The following CNTNAP2 variants were observed in gnomAD, a reference collection of about 807,000 sequenced individuals.
CNTNAP2 encodes the protein contactin-associated protein-like 2.
In CNTNAP2, 98 loss-of-function variants were observed where a neutral mutation model predicts 155.2. The observed-to-expected ratio is 0.63, with a 90% CI of 0.54 to 0.75. The LOEUF (loss-of-function observed/expected upper bound fraction) is 0.75. Among genes scored for constraint, CNTNAP2 ranks in the 30% least tolerant of loss-of-function variants. CNTNAP2 has a pLI of 0.00. For synonymous variants in CNTNAP2, 651 were observed against 631.2 expected, an observed-to-expected ratio of 1.03 and a Z score of -0.47; for missense variants, 1,727 against 1,688.1, an observed-to-expected ratio of 1.02 and a Z score of -0.40.
rs142606449 is a variant in CNTNAP2, at chr7:147,201,707, A to G, written c.1348+69198A>G. Among the ~76,000 whole-genome samples the G allele has an allele frequency of 2.5e-3, 380 of 152,292 alleles. 1 individual carries two copies. The highest frequency in any genetic ancestry group is 8.7e-3 in the African/African-American group (360 of 41,562). ...ATTAACCCTCCTAATGTGGATAGGA[A>G]TTGGATAGGGGCAGGGTGATAGAAA... On this transcript the variant is annotated intron_variant, in intron 8 of 23. Transcript: ENST00000361727.
intron 12 of CNTNAP2, among the ~76,000 whole-genome samples, chr7:147,584,936 G>A (rs1800588539): frequency 6.6e-6 from 1 of 152,132 alleles, no homozygotes; most frequent in African/African-American, 2.4e-5. Flanking sequence ...CTTGAGACAA[G>A]GCATGCGGCC....
intron 12 of CNTNAP2, among the ~76,000 whole-genome samples, chr7:147,633,581 C>A (rs1173585778): frequency 6.6e-6 from 1 of 152,142 alleles, no homozygotes; most frequent in Non-Finnish European, 1.5e-5. Flanking sequence ...TGTCCCCACC[C>A]AAATCTCATC....
chr7:147,528,132 G>A (rs901954396), intron 11 of CNTNAP2, among the ~76,000 whole-genome samples: 4 of 152,290 alleles, frequency 2.6e-5, no homozygotes, highest in South Asian at 2.1e-4. Flanking sequence ...GGCTCCCTTT[G>A]AGCCCAAGGA....
rs1443589724 is a variant in CNTNAP2, at chr7:146,732,517, TC to T, written c.98-41753del. ...TTTTTTTGTGTGTTGTATATGATAT[TC>T]TACTGCATTTTTAAAGAAGAGAGAT... On this transcript the variant is annotated intron_variant, in intron 1 of 23. Coordinates refer to ENST00000361727, the MANE Select transcript of CNTNAP2 (RefSeq NM_014141.6). Among the ~76,000 whole-genome samples, 5 of 152,282 alleles carry T rather than the reference TC, an allele frequency of 3.3e-5. No individual in the cohort carries two copies. In the East Asian group the frequency reaches 9.6e-4, roughly 29 times the overall value.
At chr7:146,887,730 C>G (rs1398312668) in intron 3 of CNTNAP2, among the ~76,000 whole-genome samples, 1 of 152,094 alleles carries the variant, frequency 6.6e-6, no homozygotes, top group Non-Finnish European at 1.5e-5. Context: ...TAAACTCAGG[C>G]TGGCTTCCTG....
intron 13 of CNTNAP2, among the ~76,000 whole-genome samples, chr7:147,764,013 G>A (rs1436381114): frequency 6.6e-6 from 1 of 151,948 alleles, no homozygotes; most frequent in East Asian, 1.9e-4. Flanking sequence ...CCCTGACACT[G>A]TGATTTCTGG....
At chr7:147,326,287 CAT>C (rs1461559328) in intron 9 of CNTNAP2, among the ~76,000 whole-genome samples, 1 of 152,172 alleles carries the variant, frequency 6.6e-6, no homozygotes, top group East Asian at 1.9e-4. Context: ...TGAGTGGAAA[CAT>C]ATAATGTTTG....
At chr7:148,247,106 A>G (rs770587847) in intron 20 of CNTNAP2, among the ~76,000 whole-genome samples, 4 of 152,214 alleles carry the variant, frequency 2.6e-5, no homozygotes, top group Non-Finnish European at 5.9e-5. Context: ...TAAAAACTAT[A>G]ATACAAACTA....
chr7:146,954,356 C>T (rs1474786444), intron 3 of CNTNAP2, among the ~76,000 whole-genome samples: 1 of 151,846 alleles, frequency 6.6e-6, no homozygotes. Context: ...GGAAATGCTG[C>T]ACTAATGGCT....
chr7:148,359,741 G>A (rs1029666305), intron 21 of CNTNAP2, among the ~76,000 whole-genome samples: 2 of 152,156 alleles, frequency 1.3e-5, no homozygotes, highest in African/African-American at 4.8e-5. Flanking sequence ...TAACAGCAGG[G>A]TAAAGAGAGA....
chr7:147,537,550 T>C (rs1421581288), intron 11 of CNTNAP2, among the ~76,000 whole-genome samples: 1 of 151,652 alleles, frequency 6.6e-6, no homozygotes, highest in African/African-American at 2.4e-5. Flanking sequence ...AAAGGCCATC[T>C]CTGTCATTTT....
At chr7:146,642,138 TTTTA>T (rs1229449645) in intron 1 of CNTNAP2, among the ~76,000 whole-genome samples, 2 of 151,814 alleles carry the variant, frequency 1.3e-5, no homozygotes, top group African/African-American at 4.8e-5. Flanking sequence ...TTTTTTATTT[TTTTA>T]TTTTTTATTT....
At chr7:147,495,800 C>A (rs1798697179) in intron 11 of CNTNAP2, among the ~76,000 whole-genome samples, 2 of 152,032 alleles carry the variant, frequency 1.3e-5, no homozygotes. Flanking sequence ...GTCCCCAATC[C>A]CCACAATACC....
chr7:148,101,018 A>G (rs1804087490), intron 15 of CNTNAP2, among the ~76,000 whole-genome samples: 1 of 151,738 alleles, frequency 6.6e-6, no homozygotes, highest in Non-Finnish European at 1.5e-5. Context: ...TTCTCAGCAA[A>G]CTATTGCAAG....
intron 10 of CNTNAP2, among the ~76,000 whole-genome samples, chr7:147,411,877 T>G (rs1265539185): frequency 2.0e-5 from 3 of 152,196 alleles, no homozygotes; most frequent in African/African-American, 7.2e-5. Flanking sequence ...CTCTGCCCAG[T>G]TGATGTTTCG....
At chr7:147,896,658 T>G (rs1390121059) in intron 13 of CNTNAP2, among the ~76,000 whole-genome samples, 3 of 152,136 alleles carry the variant, frequency 2.0e-5, no homozygotes, top group Non-Finnish European at 4.4e-5. Context: ...TGGTGCCAGC[T>G]GACCCATCAA....
chr7:147,882,743 C>G (rs933641729), intron 13 of CNTNAP2, among the ~76,000 whole-genome samples: 11 of 151,872 alleles, frequency 7.2e-5, no homozygotes, highest in Non-Finnish European at 1.2e-4. Flanking sequence ...GCTTTTATTA[C>G]TCATTACCCT....
chr7:146,380,889 CT>C (rs1232152173), intron 1 of CNTNAP2, among the ~76,000 whole-genome samples: 1 of 138,374 alleles, frequency 7.2e-6, no homozygotes, highest in Non-Finnish European at 1.5e-5. Context: ...GCTCCGCCCC[CT>C]GGGGTTCACG....
chr7:146,693,379 A>C (rs1800729999), intron 1 of CNTNAP2, among the ~76,000 whole-genome samples: 1 of 152,030 alleles, frequency 6.6e-6, no homozygotes, highest in Admixed American at 6.6e-5. Flanking sequence ...TTATTCAATC[A>C]AAATTTTATA....
Sources: allele counts gnomAD v4.1 joint callset (sites outside exome capture counted in the v4.1 genomes callset), GRCh38; gene constraint gnomAD v4.1.1; transcripts MANE v1.5; gene names NCBI Gene and HGNC (gene_info 2026-07-23, HGNC 2026-07-21).